MAST3: variants seen among roughly 807,000 people sequenced by gnomAD.
MAST3 encodes the protein microtubule associated serine/threonine kinase 3.
Under a neutral mutation model 127.0 loss-of-function variants are expected in MAST3, and 43 were observed. That is an observed-to-expected ratio of 0.34 (90% CI 0.27 to 0.44). The LOEUF is 0.44. Ranked by LOEUF, MAST3 falls within the 20% of genes least tolerant of loss-of-function variation. The pLI, the probability that MAST3 is intolerant of heterozygous loss-of-function variation, is 1.00. For synonymous variants in MAST3, 785 were observed against 809.2 expected (o/e 0.97, Z 0.51); for missense variants, 1,390 against 1,919.1 (o/e 0.72, Z 5.15).
At chr19:18,135,079 G>C in intron 17 of MAST3, 97 bp downstream of exon 17, 4 of 1,441,334 alleles carry the variant, frequency 2.8e-6, no homozygotes, top group Non-Finnish European at 3.8e-6. Context: ...AGCAGGAAGA[G>C]GGGAGGGAGT....
intron 3 of MAST3, among the ~76,000 whole-genome samples, chr19:18,114,789 C>G (rs1009405229): frequency 2.6e-5 from 4 of 152,060 alleles, no homozygotes; most frequent in Admixed American, 1.3e-4. Context: ...GCAACAGCAT[C>G]GTCAGAGACA....
intron 7 of MAST3, 28 bp from the exon 8 acceptor site, chr19:18,123,552 T>C (rs1239360811): frequency 7.2e-5 from 110 of 1,519,694 alleles, no homozygotes; most frequent in Non-Finnish European, 9.4e-5. Context: ...TCAGGTCCCA[T>C]ATCACAAGCC....
intron 11 of MAST3, among the ~76,000 whole-genome samples, chr19:18,124,984 G>T (rs1179297267): frequency 6.6e-6 from 1 of 150,550 alleles, no homozygotes; most frequent in Non-Finnish European, 1.5e-5. Flanking sequence ...GCGCATGCCT[G>T]TAATCCCAGC....
At position 18,147,602 on chromosome 19, in the gene MAST3, C is replaced by T. The variant is rs752271060; in HGVS notation, c.3486C>T (p.Ser1162=). ...LSPSPTTPCR[S]PAPDVPADTT... The stretch of plus-strand genomic sequence containing the variant: ...CCAGCCCCACCACTCCCTGCCGAAG[C>T]CCAGCCCCTGATGTCCCAGCAGGTG... Residue 1162 remains serine (S), a synonymous_variant, in exon 27 of 28, where the codon AGC becomes AGT. Coordinates refer to ENST00000687212, the MANE Select transcript of MAST3 (RefSeq NM_001393504.1). The T allele has an allele frequency of 9.0e-6, 14 of 1,559,836 alleles. No homozygotes were observed. Among genetic ancestry groups the T allele is most frequent in the Non-Finnish European group, 1.2e-5 (14 of 1,152,070 alleles).
chr19:18,098,586 G>A (rs2037232760), intron 1 of MAST3, among the ~76,000 whole-genome samples: 1 of 152,024 alleles, frequency 6.6e-6, no homozygotes, highest in Admixed American at 6.6e-5. Flanking sequence ...GCCACACAGG[G>A]ACTACATGAC....
chr19:18,140,769 T>C (rs1311715049), intron 20 of MAST3, among the ~76,000 whole-genome samples: 1 of 152,138 alleles, frequency 6.6e-6, no homozygotes, highest in African/African-American at 2.4e-5. Context: ...ACCTTGTGAA[T>C]ACAGGTACCA....
intron 1 of MAST3, 53 bp from the exon 2 acceptor site, chr19:18,107,534 G>A (rs2038171729): frequency 1.9e-6 from 3 of 1,585,592 alleles, no homozygotes; most frequent in Middle Eastern, 1.7e-4. Context: ...AACGGCCAGG[G>A]GTTCTGAGGG....
At chr19:18,141,746 G>C in intron 20 of MAST3, 136 bp from the exon 21 acceptor site, 1 of 581,350 alleles carries the variant, frequency 1.7e-6, no homozygotes, top group East Asian at 3.6e-5. Context: ...TTTTGAGACA[G>C]GGTTTTGCTA....
chr19:18,120,717 G>A (rs1466284514), intron 3 of MAST3, among the ~76,000 whole-genome samples: 1 of 144,538 alleles, frequency 6.9e-6, no homozygotes, highest in Non-Finnish European at 1.5e-5. Flanking sequence ...TGGTTTTTTT[G>A]TTTTGTTTTG....
chr19:18,142,347 C>CTTTTTTT (rs776007010), intron 21 of MAST3, among the ~76,000 whole-genome samples: 1 of 122,200 alleles, frequency 8.2e-6, no homozygotes, highest in African/African-American at 3.3e-5. Context: ...GGAAGCTGGC[C>CTTTTTTT]TTTTTTTTTT....
chr19:18,149,656 C>T lies in MAST3; in HGVS notation c.3974C>T (p.Ser1325Leu), dbSNP rs759203280. 6.8e-6 allele frequency: 11 copies of T among 1,613,234 alleles called. No individual in the cohort carries two copies. Among genetic ancestry groups the T allele is most frequent in the Non-Finnish European group, 8.5e-6 (10 of 1,179,890 alleles). Residue 1325 changes from serine to leucine, a missense_variant, in exon 28 of 28, where the codon TCA becomes TTA. Physicochemically the swap from Ser to Leu is moderately radical, Grantham distance 145 (BLOSUM62 -2). Transcript: ENST00000687212. The surrounding 1 kb of genome is among the most constrained non-coding windows in gnomAD (Gnocchi z 5.9). Reference protein sequence around the residue: ...PQEEATGLPTSVPQIAVEGEE... With the variant: ...PQEEATGLPTLVPQIAVEGEE... Reference sequence around the variant, plus strand: ...GAGGAGGCCACTGGGCTGCCCACCTCAGTGCCACAGATCGCCGTGGAGGGC... The same window carrying T: ...GAGGAGGCCACTGGGCTGCCCACCTTAGTGCCACAGATCGCCGTGGAGGGC...
chr19:18,118,547 C>G (rs1250601095), intron 3 of MAST3, among the ~76,000 whole-genome samples: 1 of 152,100 alleles, frequency 6.6e-6, no homozygotes, highest in Non-Finnish European at 1.5e-5. Context: ...CAGGGCTGGG[C>G]AGAACCAGGG....
chr19:18,113,614 C>A (rs1485041515), intron 3 of MAST3, among the ~76,000 whole-genome samples: 1 of 152,206 alleles, frequency 6.6e-6, no homozygotes, highest in Non-Finnish European at 1.5e-5. Context: ...GCATCTGCCA[C>A]CACTCCTGGC....
intron 11 of MAST3, among the ~76,000 whole-genome samples, chr19:18,127,022 C>T (rs919915128): frequency 1.0e-4 from 15 of 150,448 alleles, no homozygotes; most frequent in Non-Finnish European, 1.9e-4. Flanking sequence ...CCTCATGATC[C>T]GCCCGCCTCT....
Position 18,145,832 on chromosome 19 carries a change from G to A in MAST3, c.3129G>A (p.Leu1043=). The A allele has an allele frequency of 6.3e-7, 1 of 1,599,430 alleles. No homozygotes were observed. Among genetic ancestry groups the A allele is most frequent in the Non-Finnish European group, 8.5e-7 (1 of 1,174,310 alleles). The part of the protein sequence containing the change: ...THINGESVLG[L]VHMDVVELLL... The stretch of plus-strand genomic sequence containing the variant: ...TCAACGGGGAGTCAGTGCTGGGGCT[G>A]GTGCACATGGACGTCGTGGAGCTGC... The change falls in exon 25 of 28, where the codon CTG becomes CTA. Residue 1043 remains leucine, a synonymous_variant. Transcript: ENST00000687212. This position sits in a 1 kb window ranked among gnomAD's most constrained non-coding sequence, Gnocchi z 5.9.
chr19:18,123,921 C>A lies in MAST3; in HGVS notation c.634-18C>A, dbSNP rs556227078. ...AGCCCCGCCCTCTGACCAGGTCGCC[C>A]CGTCTCGCCCCACCCAGGCCACAGC... On this transcript the variant is annotated intron_variant, in intron 8 of 27. Coordinates refer to ENST00000687212, the MANE Select transcript of MAST3 (RefSeq NM_001393504.1). 1.7e-5 allele frequency: 26 copies of A among 1,544,108 alleles called. No homozygotes were observed. The South Asian group carries it at 3.0e-4, about 18-fold the overall frequency.
chr19:18,143,912 G>T lies in MAST3; in HGVS notation c.2489G>T (p.Gly830Val), dbSNP rs1345795144. The stretch of plus-strand genomic sequence containing the variant: ...TCAGAGGATGAGGGGGTAGGCCCAG[G>T]CCCTGCAGGCCCCAAGAGGCCCGTC... ...FSSEDEGVGP[G>V]PAGPKRPVFI... Residue 830 changes from glycine to valine, a missense_variant, in exon 22 of 28, where the codon GGC becomes GTC. Gly to Val is a moderately radical substitution (Grantham distance 109). This residue lies in a region of MAST3 where 816 missense variants were observed against 934.1 expected (regional missense o/e 0.87). Coordinates refer to ENST00000687212, the MANE Select transcript of MAST3 (RefSeq NM_001393504.1). 2 of 1,613,588 alleles carry T rather than the reference G, an allele frequency of 1.2e-6. No homozygotes were observed. The highest frequency in any genetic ancestry group is 3.3e-5 in the Admixed American group (2 of 59,980).
At chr19:18,142,139 A>G (rs1194282461) in intron 21 of MAST3, 124 bp downstream of exon 21, 4 of 1,067,570 alleles carry the variant, frequency 3.7e-6, no homozygotes, top group Non-Finnish European at 4.9e-6. Context: ...CATATTGACC[A>G]GCCTATCAGG....
At chr19:18,101,405 C>T (rs1387197308) in intron 1 of MAST3, among the ~76,000 whole-genome samples, 1 of 150,748 alleles carries the variant, frequency 6.6e-6, no homozygotes, top group African/African-American at 2.4e-5. Context: ...AGCCCTGGGG[C>T]TGGTGCCATG....
Sources: gnomAD v4.1 joint callset for allele counts (sites outside exome capture counted in the v4.1 genomes callset) on GRCh38, gnomAD v4.1.1 for gene constraint, gnomAD v4.1.1 regional missense constraint, Gnocchi (gnomAD v3.1) non-coding constraint, MANE v1.5 for transcripts, NCBI Gene and HGNC (gene_info 2026-07-23, HGNC 2026-07-21) for gene names.